The following CCSER1 variants were observed in gnomAD, a reference collection of about 807,000 sequenced individuals.
CCSER1 encodes coiled-coil serine rich protein 1.
Under a neutral mutation model 82.0 loss-of-function variants are expected in CCSER1, and 41 were observed. The ratio of observed to expected loss-of-function variants is 0.50; its 90% confidence interval spans 0.39 to 0.65. CCSER1 has a LOEUF of 0.65. CCSER1 is among the 30% of genes least tolerant of loss of function. The pLI is 0.00. For synonymous variants in CCSER1, 414 were observed against 383.9 expected (o/e 1.08, Z -0.92); for missense variants, 1,119 against 1,064.2 (o/e 1.05, Z -0.72).
At chr4:90,835,655 C>G (rs1247374624) in intron 8 of CCSER1, among the ~76,000 whole-genome samples, 1 of 152,056 alleles carries the variant, frequency 6.6e-6, no homozygotes, top group Non-Finnish European at 1.5e-5. Flanking sequence ...TCATCGATAA[C>G]ATCTAATGCT....
intron 9 of CCSER1, among the ~76,000 whole-genome samples, chr4:91,047,086 C>G (rs1173141450): frequency 6.6e-6 from 1 of 152,122 alleles, no homozygotes; most frequent in Admixed American, 6.5e-5. Flanking sequence ...TTCCCCCCAA[C>G]CCCCTCGCAA....
intron 1 of CCSER1, among the ~76,000 whole-genome samples, chr4:90,284,263 C>G (rs1029315255): frequency 3.9e-5 from 6 of 152,106 alleles, no homozygotes; most frequent in African/African-American, 1.4e-4. Flanking sequence ...TATTCTCCCA[C>G]TATGTGGGTT....
At chr4:90,200,762 G>A (rs1033110947) in intron 1 of CCSER1, among the ~76,000 whole-genome samples, 8 of 151,728 alleles carry the variant, frequency 5.3e-5, no homozygotes, top group Non-Finnish European at 7.4e-5. Context: ...TATATTATGT[G>A]CATAATAGAT....
At chr4:90,230,721 C>A (rs1366739649) in intron 1 of CCSER1, among the ~76,000 whole-genome samples, 1 of 150,374 alleles carries the variant, frequency 6.7e-6, no homozygotes, top group East Asian at 1.9e-4. Context: ...TGATAGACCG[C>A]TAGCAAGACT....
In CCSER1 at chr4:90,276,348, C is replaced by CT. The variant is rs1219049059; in HGVS notation, c.-41-31881dup. Among the ~76,000 whole-genome samples, 208 of 91,480 alleles carry CT rather than the reference C, an allele frequency of 2.3e-3. 5 individuals carry two copies. The highest frequency in any genetic ancestry group is 4.4e-3 in the African/African-American group (94 of 21,282). 60.0% of individuals were successfully genotyped at this position (91,480 alleles called of 152,430 possible). A position where few individuals can be genotyped will look rare whatever the true frequency, so the allele number is the denominator to read the frequency against. ...TTCTTTCTTTCTTTCTTCTTTCTTT[C>CT]TTTTTTTTTTTTTTTGGAAACGGAG... is the stretch of plus-strand genomic sequence containing the variant. On this transcript the variant is annotated intron_variant, in intron 1 of 10. Coordinates refer to ENST00000509176, the MANE Select transcript of CCSER1 (RefSeq NM_001145065.2).
intron 10 of CCSER1, among the ~76,000 whole-genome samples, chr4:91,156,815 C>G (rs1307978829): frequency 6.6e-6 from 1 of 151,852 alleles, no homozygotes; most frequent in Non-Finnish European, 1.5e-5. Flanking sequence ...ATTTCATTTG[C>G]TGCCACCTTT....
intron 7 of CCSER1, among the ~76,000 whole-genome samples, chr4:90,756,781 T>C (rs550852018): frequency 6.6e-6 from 1 of 152,196 alleles, no homozygotes; most frequent in Non-Finnish European, 1.5e-5. Context: ...CTAAAATATC[T>C]AGCTAAGTGC....
At chr4:90,360,101 TAG>T (rs1561092827) in intron 3 of CCSER1, among the ~76,000 whole-genome samples, 1 of 148,812 alleles carries the variant, frequency 6.7e-6, no homozygotes. Flanking sequence ...GTATTTTTAG[TAG>T]AGACAGGTTT....
At chr4:90,501,583 G>A (rs1769889659) in intron 5 of CCSER1, among the ~76,000 whole-genome samples, 1 of 152,192 alleles carries the variant, frequency 6.6e-6, no homozygotes, top group Middle Eastern at 3.4e-3. Context: ...GCTCACAGTG[G>A]GAAAATGTCA....
chr4:91,127,988 T>C (rs1727660942), intron 10 of CCSER1, among the ~76,000 whole-genome samples: 1 of 152,028 alleles, frequency 6.6e-6, no homozygotes, highest in South Asian at 2.1e-4. Flanking sequence ...TCCCCTATAA[T>C]GTATTTCTGG....
chr4:91,561,902 A>G (rs910171312), intron 10 of CCSER1, among the ~76,000 whole-genome samples: 1 of 151,436 alleles, frequency 6.6e-6, no homozygotes, highest in African/African-American at 2.4e-5. Context: ...AAATTTAACT[A>G]TACATTAAGT....
At chr4:91,034,664 A>T (rs1741279847) in intron 9 of CCSER1, among the ~76,000 whole-genome samples, 1 of 152,178 alleles carries the variant, frequency 6.6e-6, no homozygotes, top group South Asian at 2.1e-4. Flanking sequence ...CTTAATTTAG[A>T]ATCATTTATA....
At chr4:90,896,049 TAAAAC>T (rs970422385) in intron 8 of CCSER1, among the ~76,000 whole-genome samples, 5 of 151,868 alleles carry the variant, frequency 3.3e-5, no homozygotes, top group African/African-American at 9.7e-5. Flanking sequence ...CACTGGTAGA[TAAAAC>T]AGAGAGGAAG....
chr4:91,539,760 C>G (rs1761492383), intron 10 of CCSER1, among the ~76,000 whole-genome samples: 1 of 152,052 alleles, frequency 6.6e-6, no homozygotes, highest in South Asian at 2.1e-4. Context: ...TCTATCACCA[C>G]CTACTTCTGT....
intron 6 of CCSER1, among the ~76,000 whole-genome samples, chr4:90,672,640 A>G (rs925683156): frequency 6.6e-6 from 1 of 151,996 alleles, no homozygotes; most frequent in African/African-American, 2.4e-5. Context: ...CAACTTGGCT[A>G]TTTTGTGCAA....
chr4:90,248,335 T>A (rs989039302), intron 1 of CCSER1, among the ~76,000 whole-genome samples: 1 of 152,170 alleles, frequency 6.6e-6, no homozygotes, highest in African/African-American at 2.4e-5. Flanking sequence ...ACATAAAAAA[T>A]TTCTGATGAT....
At chr4:91,463,688 C>G (rs78223659) in intron 10 of CCSER1, among the ~76,000 whole-genome samples, 1 of 152,046 alleles carries the variant, frequency 6.6e-6, no homozygotes, top group Non-Finnish European at 1.5e-5. Flanking sequence ...AACCATGGCA[C>G]GAGAGCTACG....
chr4:91,031,675 T>G (rs1740995501), intron 9 of CCSER1, among the ~76,000 whole-genome samples: 1 of 152,140 alleles, frequency 6.6e-6, no homozygotes. Flanking sequence ...ATTTCAGCAC[T>G]ATTTTTTTCT....
chr4:91,512,661 A>C (rs1053761982), intron 10 of CCSER1, among the ~76,000 whole-genome samples: 1 of 152,138 alleles, frequency 6.6e-6, no homozygotes, highest in African/African-American at 2.4e-5. Flanking sequence ...GGGAACACTG[A>C]CTAATACAAG....
Sources: allele counts gnomAD v4.1 joint callset (sites outside exome capture counted in the v4.1 genomes callset), GRCh38; gene constraint gnomAD v4.1.1; transcripts MANE v1.5; gene names NCBI Gene and HGNC (gene_info 2026-07-23, HGNC 2026-07-21).